CELF2: variants seen among roughly 807,000 people sequenced by gnomAD.
CELF2 encodes CUGBP Elav-like family member 2, also known as CUG triplet repeat RNA-binding protein 2.
In CELF2, 8 loss-of-function variants were observed where a neutral mutation model predicts 62.6. The observed-to-expected ratio is 0.13, with a 90% CI of 0.07 to 0.23. The LOEUF (loss-of-function observed/expected upper bound fraction) is 0.23. Ranked by LOEUF, CELF2 falls within the 10% of genes least tolerant of loss-of-function variation. CELF2 has a pLI of 1.00. For missense variants in CELF2, 333 were observed against 671.0 expected, an observed-to-expected ratio of 0.50 and a Z score of 5.56; for synonymous variants, 258 against 250.0, an observed-to-expected ratio of 1.03 and a Z score of -0.30.
intron 1 of CELF2, among the ~76,000 whole-genome samples, chr10:11,048,711 A>G (rs2063312941): frequency 6.6e-6 from 1 of 152,264 alleles, no homozygotes; most frequent in African/African-American, 2.4e-5. Context: ...ATCCAAACTT[A>G]TAAACTGGAT....
the CELF2 span, among the ~76,000 whole-genome samples, chr10:10,519,053 T>C: frequency 3.3e-5 from 5 of 152,206 alleles, no homozygotes; most frequent in South Asian, 2.1e-4. Flanking sequence ...TGAGACTCGA[T>C]ATGAATAACA....
chr10:10,545,341 C>G, the CELF2 span, among the ~76,000 whole-genome samples: 1 of 152,158 alleles, frequency 6.6e-6, no homozygotes, highest in African/African-American at 2.4e-5. Flanking sequence ...CCTGAGACAT[C>G]AACATTCTAT....
intron 2 of CELF2, among the ~76,000 whole-genome samples, chr10:11,188,038 C>T (rs1310805223): frequency 6.6e-6 from 1 of 152,228 alleles, no homozygotes; most frequent in East Asian, 1.9e-4. Context: ...GGTGGTAAAT[C>T]CTTTCACCTT....
intron 4 of CELF2, among the ~76,000 whole-genome samples, chr10:11,257,168 T>C (rs1201817212): frequency 6.6e-6 from 1 of 152,080 alleles, no homozygotes; most frequent in African/African-American, 2.4e-5. Context: ...TCTGATCTCT[T>C]ATTCTTGTCT....
the CELF2 span, among the ~76,000 whole-genome samples, chr10:10,699,283 A>C: frequency 6.6e-6 from 1 of 152,350 alleles, no homozygotes; most frequent in South Asian, 2.1e-4. Flanking sequence ...TTCTGATAGT[A>C]AAATAACAAT....
chr10:10,854,632 T>G (rs2132918287), intron 1 of CELF2, among the ~76,000 whole-genome samples: 1 of 152,010 alleles, frequency 6.6e-6, no homozygotes, highest in South Asian at 2.1e-4. Flanking sequence ...CAAATCCCTC[T>G]CTCCCCATTT....
chr10:10,519,181 G>C, the CELF2 span, among the ~76,000 whole-genome samples: 9 of 152,160 alleles, frequency 5.9e-5, no homozygotes, highest in Non-Finnish European at 2.9e-5. Flanking sequence ...CAAGATATTT[G>C]CCTGTCTGGG....
At chr10:10,951,525 CA>C (rs1425326913) in intron 2 of CELF2, among the ~76,000 whole-genome samples, 1 of 152,140 alleles carries the variant, frequency 6.6e-6, no homozygotes, top group Non-Finnish European at 1.5e-5. Flanking sequence ...CAGACACCAG[CA>C]AAGGGGAAGG....
the CELF2 span, among the ~76,000 whole-genome samples, chr10:10,575,465 T>A: frequency 0.037 from 5,609 of 152,322 alleles, 326 homozygotes; most frequent in African/African-American, 0.13. Context: ...GCAAAATACC[T>A]AATCCAGACA....
At chr10:11,072,986 TATA>T (rs2141042904) in intron 1 of CELF2, among the ~76,000 whole-genome samples, 1 of 151,992 alleles carries the variant, frequency 6.6e-6, no homozygotes, top group African/African-American at 2.4e-5. Context: ...CATTATATAT[TATA>T]AGTTATTACA....
At chr10:10,741,523 T>C in the CELF2 span, among the ~76,000 whole-genome samples, 1 of 148,334 alleles carries the variant, frequency 6.7e-6, no homozygotes, top group African/African-American at 2.5e-5. Context: ...AAAAAGAACT[T>C]GACATTTTTG....
chr10:10,828,046 T>C (rs1471958443), intron 1 of CELF2, among the ~76,000 whole-genome samples: 2 of 141,872 alleles, frequency 1.4e-5, no homozygotes, highest in Admixed American at 1.4e-4. Flanking sequence ...CAAGTTTTGG[T>C]ACAGTGTTGG....
chr10:10,656,387 C>T, the CELF2 span, among the ~76,000 whole-genome samples: 1 of 135,418 alleles, frequency 7.4e-6, no homozygotes, highest in African/African-American at 2.7e-5. Flanking sequence ...ACCCAAAGGA[C>T]TATAAATCAT....
chr10:10,758,319 G>A, the CELF2 span, among the ~76,000 whole-genome samples: 4 of 152,088 alleles, frequency 2.6e-5, no homozygotes, highest in Non-Finnish European at 1.5e-5. Context: ...ATGCACCTTG[G>A]GCTCTTTTCA....
intron 2 of CELF2, among the ~76,000 whole-genome samples, chr10:10,980,569 C>T (rs536121417): frequency 6.6e-6 from 1 of 152,294 alleles, no homozygotes; most frequent in South Asian, 2.1e-4. Flanking sequence ...TGGCAATCAC[C>T]TTGCATCAAC....
intron 3 of CELF2, among the ~76,000 whole-genome samples, chr10:11,234,194 A>G (rs1424045613): frequency 6.6e-6 from 1 of 152,146 alleles, no homozygotes; most frequent in African/African-American, 2.4e-5. Context: ...TTATCCTGTC[A>G]CCTGCTGTTC....
intron 1 of CELF2, chr10:11,097,471 A>C (rs2050215379): frequency 6.6e-6 from 1 of 152,186 alleles, no homozygotes; most frequent in South Asian, 2.1e-4. Context: ...GTCTGGGAAA[A>C]TAAAATACCC....
the CELF2 span, among the ~76,000 whole-genome samples, chr10:10,645,285 C>T: frequency 6.6e-6 from 1 of 152,144 alleles, no homozygotes; most frequent in Non-Finnish European, 1.5e-5. Context: ...TGTACTCCAC[C>T]CTACTCACAT....
At chr10:10,768,585 T>A in the CELF2 span, among the ~76,000 whole-genome samples, 1 of 151,872 alleles carries the variant, frequency 6.6e-6, no homozygotes, top group Non-Finnish European at 1.5e-5. Context: ...TTCTTTTTTT[T>A]TTTTTTAAGA....
Sources: allele counts gnomAD v4.1 joint callset (sites outside exome capture counted in the v4.1 genomes callset), GRCh38; gene constraint gnomAD v4.1.1; transcripts MANE v1.5; gene names NCBI Gene and HGNC (gene_info 2026-07-23, HGNC 2026-07-21).